Variants in PATJ observed in about 807,000 individuals in gnomAD.
PATJ encodes the protein inaD-like protein.
PATJ carries 190 observed loss-of-function variants against 224.9 expected under a neutral mutation model. The observed-to-expected ratio is 0.84, with a 90% CI of 0.75 to 0.95. The LOEUF is 0.95. Among genes scored for constraint, PATJ ranks in the 40% least tolerant of loss-of-function variants. The pLI, the probability that PATJ is intolerant of heterozygous loss-of-function variation, is 0.00. For synonymous variants in PATJ, 769 were observed against 820.3 expected, an observed-to-expected ratio of 0.94 and a Z score of 1.07; for missense variants, 2,121 against 2,270.3, an observed-to-expected ratio of 0.93 and a Z score of 1.34.
At chr1:61,796,670 CTTT>C (rs1651197744) in intron 10 of PATJ, among the ~76,000 whole-genome samples, 1 of 31,638 alleles carries the variant, frequency 3.2e-5, no homozygotes, top group Non-Finnish European at 8.3e-5. Flanking sequence ...TTCTTTCTTT[CTTT>C]CTTTCTTTCT....
At chr1:61,822,901 T>A in intron 14 of PATJ, 44 bp from the exon 15 acceptor site, 1 of 1,610,072 alleles carries the variant, frequency 6.2e-7, no homozygotes, top group Non-Finnish European at 8.5e-7. Context: ...AATAGCCGGA[T>A]GTGTCATTGT....
chr1:61,887,741 G>A (rs979596413), intron 22 of PATJ, among the ~76,000 whole-genome samples: 1 of 152,112 alleles, frequency 6.6e-6, no homozygotes, highest in Non-Finnish European at 1.5e-5. Flanking sequence ...GGTGCGGCGT[G>A]ACAAAGGAAG....
intron 28 of PATJ, among the ~76,000 whole-genome samples, chr1:62,008,699 T>C (rs1569974644): frequency 6.6e-6 from 1 of 152,222 alleles, no homozygotes; most frequent in East Asian, 1.9e-4. Context: ...CAGTGAGCCA[T>C]GATCGCACCA....
chr1:62,020,190 A>G (rs537726612), intron 29 of PATJ, among the ~76,000 whole-genome samples: 3 of 152,262 alleles, frequency 2.0e-5, no homozygotes, highest in African/African-American at 7.2e-5. Context: ...TTCTGTGGCT[A>G]GTACATGAGA....
chr1:61,998,031 T>TATAA, intron 28 of PATJ, among the ~76,000 whole-genome samples: 1 of 128,584 alleles, frequency 7.8e-6, no homozygotes, highest in Admixed American at 8.8e-5. Context: ...ATATAATATA[T>TATAA]TATATATTTA....
At chr1:61,820,285 A>G (rs6587947) in intron 14 of PATJ, among the ~76,000 whole-genome samples, 144,739 of 152,252 alleles carry the variant, frequency 0.95, 69,280 homozygotes, top group East Asian at 1. Flanking sequence ...CAATCCACCC[A>G]CATCGGCCTC....
At chr1:62,151,236 C>T (rs1222041749) in intron 42 of PATJ, among the ~76,000 whole-genome samples, 1 of 152,178 alleles carries the variant, frequency 6.6e-6, no homozygotes, top group Non-Finnish European at 1.5e-5. Flanking sequence ...TGTAAACAAA[C>T]AGTAAGTACA....
chr1:62,107,784 C>A, intron 33 of PATJ, among the ~76,000 whole-genome samples: 1 of 152,230 alleles, frequency 6.6e-6, no homozygotes, highest in South Asian at 2.1e-4. Context: ...AATTCATTAA[C>A]TATGAAACAC....
intron 1 of PATJ, among the ~76,000 whole-genome samples, chr1:61,761,912 T>C (rs1274329412): frequency 6.6e-6 from 1 of 152,052 alleles, no homozygotes; most frequent in Non-Finnish European, 1.5e-5. Context: ...GGCCTCAAAC[T>C]CTGGGGCAGA....
In PATJ at chr1:61,801,779, A is replaced by G; in HGVS notation, c.1549+10A>G. 6.5e-7 allele frequency: 1 copy of G among 1,530,986 alleles called. No homozygotes were observed. The highest frequency in any genetic ancestry group is 1.4e-5 in the African/African-American group (1 of 73,032). The allele number at this position is 1,530,986 out of a possible 1,614,324, so 94.8% of individuals were successfully genotyped here. On this transcript the variant is annotated intron_variant, in intron 12 of 43. Coordinates refer to ENST00000642238, the MANE Select transcript of PATJ (RefSeq NM_001350145.3). ...GCCTTAGAAAAATTGGGTAGGCACA[A>G]AGCATTCACTTTGCGATAACAGACT... is the stretch of plus-strand genomic sequence containing the variant.
chr1:61,968,083 ACAC>A (rs1682419162), intron 27 of PATJ, among the ~76,000 whole-genome samples: 1 of 152,178 alleles, frequency 6.6e-6, no homozygotes, highest in South Asian at 2.1e-4. Flanking sequence ...AAAAATACCA[ACAC>A]CGGAGAGAAA....
chr1:61,977,683 G>A (rs959261771), intron 27 of PATJ, among the ~76,000 whole-genome samples: 5 of 151,692 alleles, frequency 3.3e-5, no homozygotes, highest in Admixed American at 2.6e-4. Flanking sequence ...CCACTGTGCC[G>A]GCTGGCATTA....
intron 28 of PATJ, 65 bp from the exon 29 acceptor site, chr1:62,017,791 C>A: frequency 1.4e-6 from 1 of 718,466 alleles, no homozygotes; most frequent in Non-Finnish European, 2.4e-6. Context: ...TCATTTAATT[C>A]CAAGTATATA....
chr1:61,772,202 T>G (rs1389125090), intron 6 of PATJ, among the ~76,000 whole-genome samples: 2 of 151,696 alleles, frequency 1.3e-5, no homozygotes, highest in Non-Finnish European at 2.9e-5. Flanking sequence ...GTGTAATTTA[T>G]TTAGTGATGG....
intron 28 of PATJ, among the ~76,000 whole-genome samples, chr1:62,010,093 A>AG (rs1274742714): frequency 9.5e-5 from 14 of 147,918 alleles, no homozygotes; most frequent in Middle Eastern, 3.5e-3. Flanking sequence ...AAAAAAAAAA[A>AG]AAAGAAAGAA....
intron 41 of PATJ, among the ~76,000 whole-genome samples, 161 bp from the exon 42 acceptor site, chr1:62,148,121 TAA>T (rs59697245): frequency 2.0e-4 from 24 of 118,474 alleles, no homozygotes; most frequent in African/African-American, 2.2e-4. Flanking sequence ...ACACTGTCTT[TAA>T]AAAAAAAAAA....
At chr1:61,974,871 G>T (rs1557973045) in intron 27 of PATJ, among the ~76,000 whole-genome samples, 1 of 152,030 alleles carries the variant, frequency 6.6e-6, no homozygotes, top group African/African-American at 2.4e-5. Context: ...GTCCTTGATT[G>T]TGAAGGTTCT....
intron 17 of PATJ, among the ~76,000 whole-genome samples, chr1:61,844,549 A>G (rs1409473832): frequency 6.6e-6 from 1 of 152,146 alleles, no homozygotes; most frequent in African/African-American, 2.4e-5. Context: ...GAGAGAGACC[A>G]TATTCACATA....
At chr1:61,759,586 T>G (rs925668095) in intron 1 of PATJ, among the ~76,000 whole-genome samples, 4 of 152,096 alleles carry the variant, frequency 2.6e-5, no homozygotes, top group Admixed American at 2.0e-4. Flanking sequence ...ATTTTTGTGT[T>G]TTTAGTACAC....
Sources: allele counts gnomAD v4.1 joint callset (sites outside exome capture counted in the v4.1 genomes callset), GRCh38; gene constraint gnomAD v4.1.1; transcripts MANE v1.5; gene names NCBI Gene and HGNC (gene_info 2026-07-23, HGNC 2026-07-21).